MAP2: variants seen among roughly 807,000 people sequenced by gnomAD.
MAP2 encodes microtubule-associated protein 2.
In MAP2, 14 loss-of-function variants were observed where a neutral mutation model predicts 137.6. The ratio of observed to expected loss-of-function variants is 0.10; its 90% CI spans 0.07 to 0.16. The LOEUF (loss-of-function observed/expected upper bound fraction) is 0.16. Among genes scored for constraint, MAP2 ranks in the 10% least tolerant of loss-of-function variants. The probability of loss-of-function intolerance (pLI) is 1.00; values close to 1 mark genes in which losing one functional copy is unlikely to be tolerated. For missense variants in MAP2, 2,088 were observed against 2,191.5 expected (o/e 0.95, Z 0.94); for synonymous variants, 786 against 782.3 (o/e 1.00, Z -0.08).
At chr2:209,488,966 G>C (rs1225287927) in intron 1 of MAP2, among the ~76,000 whole-genome samples, 1 of 152,180 alleles carries the variant, frequency 6.6e-6, no homozygotes, top group Non-Finnish European at 1.5e-5. Context: ...CCTCAAGTGG[G>C]TCCCTGACCC....
intron 1 of MAP2, among the ~76,000 whole-genome samples, chr2:209,478,651 A>G (rs1707976040): frequency 6.6e-6 from 1 of 152,164 alleles, no homozygotes; most frequent in East Asian, 1.9e-4. Context: ...TACATAAATA[A>G]TTTAGGTTTT....
intron 2 of MAP2, among the ~76,000 whole-genome samples, chr2:209,566,684 A>G (rs963616824): frequency 2.6e-5 from 4 of 152,142 alleles, no homozygotes; most frequent in Non-Finnish European, 4.4e-5. Context: ...CTATTTTATC[A>G]TCTTCACAAC....
intron 5 of MAP2, chr2:209,661,622 T>G: frequency 1.0e-6 from 1 of 985,442 alleles, no homozygotes; most frequent in East Asian, 1.1e-4. Flanking sequence ...AGGTTAGGCA[T>G]CCGGGGCTAG....
chr2:209,519,942 G>C (rs1248729815), intron 2 of MAP2, among the ~76,000 whole-genome samples: 8 of 152,052 alleles, frequency 5.3e-5, no homozygotes, highest in Non-Finnish European at 1.0e-4. Flanking sequence ...AGGGAAGGCA[G>C]ACCTTGTGGA....
At chr2:209,506,624 T>C (rs766834026) in intron 1 of MAP2, among the ~76,000 whole-genome samples, 3 of 152,214 alleles carry the variant, frequency 2.0e-5, no homozygotes, top group Non-Finnish European at 4.4e-5. Context: ...TTTTTGTCCC[T>C]GGTTTACCTT....
chr2:209,677,120 C>T (rs897553423), intron 5 of MAP2, among the ~76,000 whole-genome samples: 3 of 151,720 alleles, frequency 2.0e-5, no homozygotes, highest in South Asian at 2.1e-4. Flanking sequence ...AACAAACAGC[C>T]TTTCCTTCTC....
chr2:209,698,925 AC>A (rs1256931007), intron 10 of MAP2, among the ~76,000 whole-genome samples: 4 of 152,202 alleles, frequency 2.6e-5, no homozygotes, highest in Admixed American at 2.6e-4. Context: ...TTTAGAGAAA[AC>A]GTAAAATGGT....
chr2:209,528,813 T>C (rs766302638), intron 2 of MAP2, among the ~76,000 whole-genome samples: 1 of 151,380 alleles, frequency 6.6e-6, no homozygotes, highest in Non-Finnish European at 1.5e-5. Context: ...CATATGTATG[T>C]ATATATGTAT....
At chr2:209,573,927 T>C (rs961632931) in intron 2 of MAP2, among the ~76,000 whole-genome samples, 1 of 152,202 alleles carries the variant, frequency 6.6e-6, no homozygotes, top group African/African-American at 2.4e-5. Flanking sequence ...TAATGGCTTT[T>C]AGGTTCATTT....
chr2:209,647,250 A>C (rs989473067), intron 4 of MAP2, among the ~76,000 whole-genome samples: 4 of 152,288 alleles, frequency 2.6e-5, no homozygotes, highest in African/African-American at 9.6e-5. Flanking sequence ...CCCCACCTCC[A>C]ACACTGGCAA....
chr2:209,572,819 C>A (rs1451915299), intron 2 of MAP2, among the ~76,000 whole-genome samples: 3 of 152,068 alleles, frequency 2.0e-5, no homozygotes, highest in Admixed American at 1.3e-4. Context: ...TTATAGTTTT[C>A]TATGAAAAAC....
intron 1 of MAP2, among the ~76,000 whole-genome samples, chr2:209,445,467 A>G (rs1230034645): frequency 6.8e-6 from 1 of 146,986 alleles, no homozygotes; most frequent in African/African-American, 2.4e-5. Flanking sequence ...CAGGTTTTTC[A>G]GCAGAGACGT....
In MAP2 at chr2:209,693,985, T is replaced by A. The variant is rs143216392; in HGVS notation, c.1815T>A (p.Ser605=). 5.6e-6 allele frequency: 9 copies of A among 1,613,900 alleles called. No homozygotes were observed. In the African/African-American group the frequency reaches 8.0e-5, roughly 14 times the overall value. Residue 605 remains serine (S), a synonymous_variant, in exon 8 of 16, where the codon TCT becomes TCA. Transcript: ENST00000682079. The part of the protein sequence containing the change: ...LSDTRESVHE[S]IDTMSPMHKN... ...ACACTAGAGAAAGTGTCCATGAGTC[T>A]ATTGATACCATGTCTCCCATGCATA...
rs77619504 is a variant in MAP2 at position 209,671,822 on chromosome 2, G to A, written c.263-6750G>A. On this transcript the variant is annotated intron_variant, in intron 5 of 15. Transcript: ENST00000682079. ...CAGTCTAATTGGTGAACCTTTGCAC[G>A]TTCAAGTAATCATAGCTGGTCCTGC... 6.7e-4 allele frequency among the ~76,000 whole-genome samples: 101 copies of A among 151,820 alleles called. 1 individual carries two copies. The highest frequency in any genetic ancestry group is 5.6e-3 in the South Asian group (27 of 4,816).
At chr2:209,588,761 A>G (rs1366191610) in intron 3 of MAP2, among the ~76,000 whole-genome samples, 1 of 152,136 alleles carries the variant, frequency 6.6e-6, no homozygotes, top group Non-Finnish European at 1.5e-5. Flanking sequence ...ACATAACTTC[A>G]GGAAAATTTG....
chr2:209,452,199 C>T (rs1242051276), intron 1 of MAP2, among the ~76,000 whole-genome samples: 1 of 152,102 alleles, frequency 6.6e-6, no homozygotes, highest in Non-Finnish European at 1.5e-5. Context: ...GTATTTTTCT[C>T]CTTTAGAGAT....
intron 5 of MAP2, among the ~76,000 whole-genome samples, chr2:209,668,054 A>G (rs1457474144): frequency 6.6e-6 from 1 of 152,062 alleles, no homozygotes; most frequent in African/African-American, 2.4e-5. Context: ...ATCAAATTTT[A>G]TCTACCTTTC....
chr2:209,497,019 G>A lies in MAP2; in HGVS notation c.-221-10573G>A, dbSNP rs1446261713. Among the ~76,000 whole-genome samples the A allele has an allele frequency of 4.6e-5, 7 of 152,128 alleles. No individual in the cohort carries two copies. The East Asian group carries it at 1.2e-3, about 25-fold the overall frequency. On this transcript the variant is annotated intron_variant, in intron 1 of 15. Coordinates refer to ENST00000682079, the MANE Select transcript of MAP2 (RefSeq NM_001375505.1). ...GCTGGTTTCAAACTCCTGGCCTCAA[G>A]CAGTCTTCTGCCTTGGTCTCCCAAA...
rs1294500588 is a variant in MAP2 at position 209,643,499 on chromosome 2, C to T, written c.-29-9643C>T. Among the ~76,000 whole-genome samples the T allele has an allele frequency of 2.0e-5, 3 of 152,128 alleles. No individual in the cohort carries two copies. In the East Asian group the frequency reaches 5.8e-4, roughly 29 times the overall value. On this transcript the variant is annotated intron_variant, in intron 4 of 15. Coordinates refer to ENST00000682079, the MANE Select transcript of MAP2 (RefSeq NM_001375505.1). ...CAGAGTTATCTACCACACATTTGCA[C>T]CCTGCTTATTACCCCACATCCACCT... is the stretch of plus-strand genomic sequence containing the variant.
Sources: allele counts gnomAD v4.1 joint callset (sites outside exome capture counted in the v4.1 genomes callset), GRCh38; gene constraint gnomAD v4.1.1; transcripts MANE v1.5; gene names NCBI Gene and HGNC (gene_info 2026-07-23, HGNC 2026-07-21).